ABI3BP: variants seen among roughly 807,000 people sequenced by gnomAD.
ABI3BP encodes the protein target of Nesh-SH3.
Under a neutral mutation model 268.6 loss-of-function variants are expected in ABI3BP, and 216 were observed. The observed-to-expected ratio is 0.80, with a 90% confidence interval of 0.72 to 0.90. The LOEUF (loss-of-function observed/expected upper bound fraction) is 0.90. Ranked by LOEUF, ABI3BP falls within the 40% of genes least tolerant of loss-of-function variation. The pLI is 0.00. For synonymous variants in ABI3BP, 730 were observed against 730.0 expected, an observed-to-expected ratio of 1.00 and a Z score of 0.00; for missense variants, 2,090 against 2,182.4, an observed-to-expected ratio of 0.96 and a Z score of 0.84.
intron 1 of ABI3BP, among the ~76,000 whole-genome samples, chr3:100,959,295 C>T (rs1038216325): frequency 6.6e-6 from 1 of 151,550 alleles, no homozygotes; most frequent in Non-Finnish European, 1.5e-5. Flanking sequence ...TCGAGACCAT[C>T]CTGGCTAACA....
At chr3:100,820,944 G>T in intron 39 of ABI3BP, 110 bp downstream of exon 39, 1 of 900,068 alleles carries the variant, frequency 1.1e-6, no homozygotes, top group South Asian at 1.5e-5. Flanking sequence ...GAATGAAACA[G>T]AGAATGATGA....
At chr3:100,921,257 C>T (rs553747516) in intron 2 of ABI3BP, among the ~76,000 whole-genome samples, 2 of 152,282 alleles carry the variant, frequency 1.3e-5, no homozygotes, top group South Asian at 4.1e-4. Context: ...AAACTTAAGC[C>T]TTTTCTGCAG....
Position 100,984,045 on chromosome 3 carries a change from C to G in ABI3BP, c.79+9261G>C, listed in dbSNP as rs891296609. On this transcript the variant is annotated intron_variant, in intron 1 of 67. Coordinates refer to ENST00000471714, the MANE Select transcript of ABI3BP (RefSeq NM_001375547.2). ...CCTTTAAATTTTACTCTGTACTCAT[C>G]AAGAAAGATTTATTTATCAAGCACT... Among the ~76,000 whole-genome samples the G allele has an allele frequency of 3.3e-5, 5 of 151,982 alleles. No individual in the cohort carries two copies. In the South Asian group the frequency reaches 1.0e-3, roughly 32 times the overall value.
At position 100,820,261 on chromosome 3, in the gene ABI3BP, G is replaced by GT. The variant is rs1246831838; in HGVS notation, c.2989dup (p.Thr997AsnfsTer2). On this transcript the variant is annotated frameshift_variant, in exon 40 of 68. Coordinates refer to ENST00000471714, the MANE Select transcript of ABI3BP (RefSeq NM_001375547.2). LOFTEE classifies it high-confidence loss of function. The stretch of plus-strand genomic sequence containing the variant: ...AACCTCAGGACTTGGTGTGGTTTTA[G>GT]TTTTGGGACGTGGACGACGAGTTCG... 3.3e-6 allele frequency: 5 copies of GT among 1,536,160 alleles called. No homozygotes were observed. In the Admixed American group the frequency reaches 7.8e-5, roughly 24 times the overall value.
chr3:100,986,581 C>T (rs939739772), intron 1 of ABI3BP, among the ~76,000 whole-genome samples: 10 of 152,094 alleles, frequency 6.6e-5, no homozygotes, highest in Non-Finnish European at 1.3e-4. Context: ...ATTCTCATGC[C>T]TTAACCTTCT....
chr3:100,949,700 C>G (rs1292970668), intron 1 of ABI3BP, among the ~76,000 whole-genome samples: 1 of 152,142 alleles, frequency 6.6e-6, no homozygotes, highest in African/African-American at 2.4e-5. Flanking sequence ...ATTAGATAAG[C>G]TCATTGTATT....
intron 62 of ABI3BP, among the ~76,000 whole-genome samples, chr3:100,768,131 T>C (rs561621291): frequency 4.5e-4 from 59 of 131,508 alleles, no homozygotes; most frequent in Non-Finnish European, 6.6e-4. Context: ...CTCTGTCGCC[T>C]AGGCTGGAGT....
intron 2 of ABI3BP, 63 bp downstream of exon 2, chr3:100,926,239 T>C: frequency 6.5e-7 from 1 of 1,535,126 alleles, no homozygotes; most frequent in Non-Finnish European, 8.9e-7. Flanking sequence ...GATTTGTAGG[T>C]CATGTTACAC....
In ABI3BP at chr3:100,750,614, A is replaced by C; in HGVS notation, c.5246-4T>G. On this transcript the variant is annotated splice_region_variant and splice_polypyrimidine_tract_variant and intron_variant, in intron 67 of 67. Transcript: ENST00000471714. ...TGGCGAACTGCTCTGAAATAACCTG[A>C]GAGAGAAAATAGTTTCATTTTAATA... 6.2e-7 allele frequency: 1 copy of C among 1,603,794 alleles called. No individual in the cohort carries two copies. The highest frequency in any genetic ancestry group is 8.5e-7 in the Non-Finnish European group (1 of 1,172,154).
chr3:100,938,988 T>C lies in ABI3BP; in HGVS notation c.80-12507A>G, dbSNP rs533125920. Among the ~76,000 whole-genome samples the C allele has an allele frequency of 1.1e-3, 169 of 152,274 alleles. 2 individuals are homozygous for C. Among genetic ancestry groups the C allele is most frequent in the African/African-American group, 3.9e-3 (164 of 41,572 alleles). ...GCATGCATGTGTGTGTGCCAAATTG[T>C]AATTGGAATCACAGAATAATTGTTA... On this transcript the variant is annotated intron_variant, in intron 1 of 67. Coordinates refer to ENST00000471714, the MANE Select transcript of ABI3BP (RefSeq NM_001375547.2).
At chr3:100,779,431 G>A (rs975865194) in intron 58 of ABI3BP, among the ~76,000 whole-genome samples, 1 of 152,240 alleles carries the variant, frequency 6.6e-6, no homozygotes, top group Non-Finnish European at 1.5e-5. Flanking sequence ...ATAATTTGCA[G>A]AAAGGTTGGT....
At chr3:100,946,243 C>T (rs745441890) in intron 1 of ABI3BP, among the ~76,000 whole-genome samples, 66 of 151,314 alleles carry the variant, frequency 4.4e-4, no homozygotes, top group East Asian at 3.9e-4. Context: ...TAGTGACATG[C>T]GCCTGTAATC....
intron 62 of ABI3BP, among the ~76,000 whole-genome samples, chr3:100,766,934 T>A (rs1227188777): frequency 5.3e-5 from 8 of 152,290 alleles, no homozygotes; most frequent in African/African-American, 9.6e-5. Flanking sequence ...CCCAGTGGTA[T>A]GAGATGGACA....
At chr3:100,974,222 TA>T (rs1330427243) in intron 1 of ABI3BP, among the ~76,000 whole-genome samples, 1 of 152,172 alleles carries the variant, frequency 6.6e-6, no homozygotes, top group Non-Finnish European at 1.5e-5. Flanking sequence ...AACAAACACT[TA>T]ATATATGACA....
rs573435044 is a variant in ABI3BP, at chr3:100,850,793, A to C, written c.1352-59T>G. ...GTAGAAGGCCCCAGGAATAAAATAC[A>C]AATTCATGAGTAATAAATTATGCCT... On this transcript the variant is annotated intron_variant, in intron 15 of 67. Coordinates refer to ENST00000471714, the MANE Select transcript of ABI3BP (RefSeq NM_001375547.2). The C allele has an allele frequency of 3.8e-5, 50 of 1,308,412 alleles. 1 individual carries two copies. The South Asian group carries it at 5.8e-4, about 15-fold the overall frequency. The allele number at this position is 1,308,412 out of a possible 1,614,324, so 81.1% of individuals were successfully genotyped here. A position where few individuals can be genotyped will look rare whatever the true frequency, so the allele number is the denominator to read the frequency against.
chr3:100,781,936 T>G (rs1375912191), intron 57 of ABI3BP, among the ~76,000 whole-genome samples: 1 of 152,184 alleles, frequency 6.6e-6, no homozygotes, highest in African/African-American at 2.4e-5. Context: ...TAGGAAGCAG[T>G]GGGATTCAGG....
chr3:100,972,619 G>C (rs1351174093), intron 1 of ABI3BP, among the ~76,000 whole-genome samples: 1 of 152,186 alleles, frequency 6.6e-6, no homozygotes, highest in East Asian at 1.9e-4. Context: ...AGAGAGTGAA[G>C]TATTTAAGTA....
At position 100,808,244 on chromosome 3, in the gene ABI3BP, A is replaced by G; in HGVS notation, c.3608-9T>C. On this transcript the variant is annotated splice_polypyrimidine_tract_variant and intron_variant, in intron 49 of 67. Coordinates refer to ENST00000471714, the MANE Select transcript of ABI3BP (RefSeq NM_001375547.2). Reference sequence around the variant, plus strand: ...TGGTGTCTGCTTGGGAGCTAAAAGAAAGGATATAGGTTCGGAAATCTTGAG... The same window carrying G: ...TGGTGTCTGCTTGGGAGCTAAAAGAGAGGATATAGGTTCGGAAATCTTGAG... 1 of 1,604,186 alleles carries G rather than the reference A, an allele frequency of 6.2e-7. No homozygotes were observed.
chr3:100,914,100 A>T (rs1239981560), intron 2 of ABI3BP, among the ~76,000 whole-genome samples: 1 of 152,234 alleles, frequency 6.6e-6, no homozygotes, highest in East Asian at 1.9e-4. Flanking sequence ...AAAAGTAATC[A>T]AACAATTAGT....
Sources: allele counts gnomAD v4.1 joint callset (sites outside exome capture counted in the v4.1 genomes callset), GRCh38; gene constraint gnomAD v4.1.1; transcripts MANE v1.5; gene names NCBI Gene and HGNC (gene_info 2026-07-23, HGNC 2026-07-21).